PCDH15: variants seen among roughly 807,000 people sequenced by gnomAD.
PCDH15 encodes the protein protocadherin related 15, also known as protocadherin-15.
PCDH15 carries 129 observed loss-of-function variants against 178.5 expected under a neutral mutation model. The ratio of observed to expected loss-of-function variants is 0.72; its 90% CI spans 0.63 to 0.84. The LOEUF is 0.84. Among genes scored for constraint, PCDH15 ranks in the 40% least tolerant of loss-of-function variants. The pLI is 0.00. For synonymous variants in PCDH15, 800 were observed against 732.0 expected, an observed-to-expected ratio of 1.09 and a Z score of -1.50; for missense variants, 2,230 against 2,099.9, an observed-to-expected ratio of 1.06 and a Z score of -1.21.
intron 14 of PCDH15, among the ~76,000 whole-genome samples, chr10:54,143,466 G>A (rs1209964877): frequency 3.9e-5 from 6 of 152,110 alleles, no homozygotes; most frequent in Non-Finnish European, 1.5e-5. Flanking sequence ...TGGTGTTCGT[G>A]AAAAGAACTT....
rs1393102819 is a variant in PCDH15, at chr10:54,928,358, C to A, written c.-79-30858G>T. Among the ~76,000 whole-genome samples the A allele has an allele frequency of 5.3e-5, 8 of 151,948 alleles. No individual in the cohort carries two copies. In the South Asian group the frequency reaches 6.2e-4, roughly 12 times the overall value. ...GTGGTGACCTGACCTTTCTCTCTAG[C>A]TGCCATTAACATTTCTTTCTTTCAT... is the stretch of plus-strand genomic sequence containing the variant. On this transcript the variant is annotated intron_variant, in intron 2 of 5. Coordinates refer to the PCDH15 transcript ENST00000458638.
chr10:54,573,625 C>A (rs79394397), intron 2 of PCDH15, among the ~76,000 whole-genome samples: 4 of 152,250 alleles, frequency 2.6e-5, no homozygotes, highest in East Asian at 1.9e-4. Flanking sequence ...GAATACACTG[C>A]GAACAATTTT....
chr10:54,764,352 T>C (rs1288274940), intron 1 of PCDH15, among the ~76,000 whole-genome samples: 1 of 152,066 alleles, frequency 6.6e-6, no homozygotes. Flanking sequence ...TAGAATCTAT[T>C]ACAAAACCTA....
chr10:54,483,398 G>A (rs377361387), intron 3 of PCDH15, among the ~76,000 whole-genome samples: 4 of 151,658 alleles, frequency 2.6e-5, no homozygotes, highest in Admixed American at 6.6e-5. Context: ...TGAAGGGAGA[G>A]GACCAAATTT....
At chr10:54,912,986 T>G (rs540063325) in intron 2 of PCDH15, among the ~76,000 whole-genome samples, 1 of 152,124 alleles carries the variant, frequency 6.6e-6, no homozygotes, top group Non-Finnish European at 1.5e-5. Flanking sequence ...AAGCCTACAC[T>G]CATCTGCATA....
chr10:55,475,080 G>A (rs1840037156), intron 2 of PCDH15, among the ~76,000 whole-genome samples: 1 of 152,090 alleles, frequency 6.6e-6, no homozygotes, highest in South Asian at 2.1e-4. Context: ...GGAGGGATGT[G>A]TACAGAGATC....
chr10:55,540,158 C>T (rs1348956229), intron 2 of PCDH15, among the ~76,000 whole-genome samples: 1 of 151,908 alleles, frequency 6.6e-6, no homozygotes, highest in Non-Finnish European at 1.5e-5. Flanking sequence ...AGTGCATAGT[C>T]CATTTGTGTG....
chr10:54,334,585 C>T (rs1017292774), intron 6 of PCDH15, among the ~76,000 whole-genome samples: 1 of 152,070 alleles, frequency 6.6e-6, no homozygotes, highest in Non-Finnish European at 1.5e-5. Context: ...GGGAAAGACT[C>T]CAGCCTTTCA....
At chr10:53,898,305 G>T (rs2082106519) in intron 26 of PCDH15, among the ~76,000 whole-genome samples, 1 of 152,046 alleles carries the variant, frequency 6.6e-6, no homozygotes, top group South Asian at 2.1e-4. Context: ...GTTGTAAATA[G>T]CACTTCTATG....
intron 2 of PCDH15, among the ~76,000 whole-genome samples, chr10:55,499,448 CACACAAAT>C (rs1840607121): frequency 1.4e-5 from 2 of 142,318 alleles, no homozygotes; most frequent in South Asian, 2.2e-4. Flanking sequence ...CACACACACA[CACACAAAT>C]AATGTTGCAT....
chr10:55,124,632 T>C (rs1564817534), intron 2 of PCDH15, among the ~76,000 whole-genome samples: 1 of 152,130 alleles, frequency 6.6e-6, no homozygotes, highest in Non-Finnish European at 1.5e-5. Flanking sequence ...TCTGTCAGTG[T>C]TTCTCTATCA....
intron 2 of PCDH15, among the ~76,000 whole-genome samples, chr10:54,648,648 A>G (rs1370331052): frequency 1.3e-5 from 2 of 152,146 alleles, no homozygotes; most frequent in African/African-American, 4.8e-5. Flanking sequence ...AATACAGAGA[A>G]GAGTATTTCT....
At chr10:54,515,175 G>A (rs756980784) in intron 3 of PCDH15, among the ~76,000 whole-genome samples, 21 of 152,312 alleles carry the variant, frequency 1.4e-4, no homozygotes, top group Admixed American at 3.9e-4. Context: ...GCAGGGAGAG[G>A]CATTGCTTCA....
chr10:54,950,512 C>T (rs1019514676), intron 2 of PCDH15, among the ~76,000 whole-genome samples: 1 of 152,000 alleles, frequency 6.6e-6, no homozygotes, highest in Non-Finnish European at 1.5e-5. Flanking sequence ...GTAACTTGCT[C>T]CTCCTTTCCT....
intron 2 of PCDH15, among the ~76,000 whole-genome samples, chr10:54,644,855 G>A (rs1212024696): frequency 6.6e-6 from 1 of 152,126 alleles, no homozygotes; most frequent in Non-Finnish European, 1.5e-5. Flanking sequence ...TAGAAGGGCT[G>A]AAGGGAACTA....
intron 2 of PCDH15, among the ~76,000 whole-genome samples, chr10:55,395,859 C>T (rs1221045909): frequency 6.6e-6 from 1 of 151,694 alleles, no homozygotes; most frequent in Non-Finnish European, 1.5e-5. Context: ...AAAAACCAAA[C>T]ATAAAATATA....
chr10:55,361,432 A>C (rs1845227790), intron 2 of PCDH15, among the ~76,000 whole-genome samples: 1 of 152,084 alleles, frequency 6.6e-6, no homozygotes, highest in African/African-American at 2.4e-5. Context: ...CTTGTAATCT[A>C]TAACACTGAA....
Position 54,879,646 on chromosome 10 carries a change from G to T in PCDH15, c.-29+17804C>A, listed in dbSNP as rs1312194798. Among the ~76,000 whole-genome samples the T allele has an allele frequency of 4.0e-5, 6 of 150,426 alleles. No individual in the cohort carries two copies. The South Asian group carries it at 1.3e-3, about 32-fold the overall frequency. On this transcript the variant is annotated intron_variant, in intron 3 of 5. Coordinates refer to the PCDH15 transcript ENST00000458638. Reference sequence around the variant, plus strand: ...CTTAAAAGCCCTAAAACTGAATATTGGTTTATTTTCTTAAGGTAAAATATT... The same window carrying T: ...CTTAAAAGCCCTAAAACTGAATATTTGTTTATTTTCTTAAGGTAAAATATT...
chr10:54,924,813 T>G (rs1025848672), intron 2 of PCDH15, among the ~76,000 whole-genome samples: 1 of 152,156 alleles, frequency 6.6e-6, no homozygotes, highest in African/African-American at 2.4e-5. Flanking sequence ...TCTTGTACAT[T>G]TGTTTAATTT....
Sources: gnomAD v4.1 joint callset for allele counts (sites outside exome capture counted in the v4.1 genomes callset) on GRCh38, gnomAD v4.1.1 for gene constraint, MANE v1.5 for transcripts, NCBI Gene and HGNC (gene_info 2026-07-23, HGNC 2026-07-21) for gene names.